FSTL4: variants seen among roughly 807,000 people sequenced by gnomAD.
The protein encoded by FSTL4 is follistatin-related protein 4.
FSTL4 carries 28 observed loss-of-function variants against 78.2 expected under a neutral mutation model. The ratio of observed to expected loss-of-function variants is 0.36; its 90% confidence interval spans 0.27 to 0.49. The LOEUF (loss-of-function observed/expected upper bound fraction) is 0.49, where lower values mean the gene tolerates loss of function less well. FSTL4 is among the 20% of genes least tolerant of loss of function. The pLI, the probability that FSTL4 is intolerant of heterozygous loss-of-function variation, is 0.98. For synonymous variants in FSTL4, 422 were observed against 440.5 expected (o/e 0.96, Z 0.53); for missense variants, 922 against 1,084.9 (o/e 0.85, Z 2.11).
intron 6 of FSTL4, chr5:133,275,980 G>A (rs932777439): frequency 6.6e-6 from 1 of 152,164 alleles, no homozygotes; most frequent in East Asian, 1.9e-4. Context: ...GAAGTTTATT[G>A]GTTTTGCAGT....
chr5:133,306,859 G>A (rs768709654), intron 6 of FSTL4, among the ~76,000 whole-genome samples: 1 of 152,158 alleles, frequency 6.6e-6, no homozygotes, highest in African/African-American at 2.4e-5. Flanking sequence ...GGTCCCTGAG[G>A]GGGAAGGACA....
At chr5:133,574,242 T>C (rs540524333) in intron 2 of FSTL4, among the ~76,000 whole-genome samples, 1 of 152,296 alleles carries the variant, frequency 6.6e-6, no homozygotes, top group African/African-American at 2.4e-5. Flanking sequence ...ACTTCACAAG[T>C]TGAAACCACA....
intron 7 of FSTL4, among the ~76,000 whole-genome samples, chr5:133,246,350 A>G (rs932141143): frequency 2.0e-5 from 3 of 152,198 alleles, no homozygotes; most frequent in Non-Finnish European, 2.9e-5. Context: ...ATGCAAGTGA[A>G]TCCCGATGAC....
chr5:133,557,347 G>A (rs1759811625), intron 3 of FSTL4, among the ~76,000 whole-genome samples: 1 of 152,208 alleles, frequency 6.6e-6, no homozygotes, highest in South Asian at 2.1e-4. Context: ...TTTTAGGGGT[G>A]GAGAGTGAGA....
chr5:133,841,279 C>T, the FSTL4 span, among the ~76,000 whole-genome samples: 1 of 152,352 alleles, frequency 6.6e-6, no homozygotes, highest in African/African-American at 2.4e-5. Flanking sequence ...ACCATCACCC[C>T]TAGGTTAAGT....
chr5:133,224,051 C>A, intron 11 of FSTL4, 139 bp downstream of exon 11: 1 of 612,580 alleles, frequency 1.6e-6, no homozygotes, highest in Non-Finnish European at 2.9e-6. Context: ...GCATATGCCA[C>A]TTGAATTTGA....
chr5:133,646,711 A>G, the FSTL4 span, among the ~76,000 whole-genome samples: 1 of 152,160 alleles, frequency 6.6e-6, no homozygotes, highest in African/African-American at 2.4e-5. Flanking sequence ...TATGAGAGAA[A>G]GACATGAGTT....
chr5:133,367,210 A>G (rs1215559140), intron 4 of FSTL4, among the ~76,000 whole-genome samples: 5 of 152,230 alleles, frequency 3.3e-5, no homozygotes, highest in Non-Finnish European at 7.3e-5. Flanking sequence ...CAAGATGTCC[A>G]TAGGCCCTAC....
At chr5:133,283,636 G>A (rs1753060907) in intron 6 of FSTL4, among the ~76,000 whole-genome samples, 2 of 152,276 alleles carry the variant, frequency 1.3e-5, no homozygotes, top group South Asian at 2.1e-4. Context: ...CCCTGGAGAT[G>A]TTTGACCATA....
intron 4 of FSTL4, among the ~76,000 whole-genome samples, chr5:133,389,713 G>A (rs1044302135): frequency 6.6e-6 from 1 of 152,164 alleles, no homozygotes; most frequent in Non-Finnish European, 1.5e-5. Context: ...AAGCTTGCAC[G>A]GGGAAAAGAC....
intron 4 of FSTL4, among the ~76,000 whole-genome samples, chr5:133,392,611 G>A (rs1177525524): frequency 6.6e-6 from 1 of 152,214 alleles, no homozygotes; most frequent in African/African-American, 2.4e-5. Flanking sequence ...GACAGCCAGT[G>A]CAGAAAATGC....
the FSTL4 span, among the ~76,000 whole-genome samples, chr5:133,809,118 C>T: frequency 6.6e-6 from 1 of 151,936 alleles, no homozygotes; most frequent in African/African-American, 2.4e-5. Flanking sequence ...GTAATCCTAG[C>T]ATCTTGGGAG....
chr5:133,696,987 C>A, the FSTL4 span, among the ~76,000 whole-genome samples: 36 of 152,180 alleles, frequency 2.4e-4, no homozygotes, highest in African/African-American at 8.2e-4. Context: ...GGTCCTTGGA[C>A]CAGACAATGC....
intron 3 of FSTL4, among the ~76,000 whole-genome samples, chr5:133,434,157 T>C (rs1444959354): frequency 1.3e-5 from 2 of 152,064 alleles, no homozygotes; most frequent in Non-Finnish European, 2.9e-5. Flanking sequence ...GATGGTGGCT[T>C]TGACTAGGGC....
At chr5:133,592,776 C>A (rs575963632) in intron 2 of FSTL4, among the ~76,000 whole-genome samples, 1 of 152,206 alleles carries the variant, frequency 6.6e-6, no homozygotes, top group Non-Finnish European at 1.5e-5. Flanking sequence ...GATCTCTACA[C>A]ACACCCATTC....
intron 6 of FSTL4, among the ~76,000 whole-genome samples, chr5:133,301,556 C>T (rs1007989899): frequency 2.0e-5 from 3 of 152,184 alleles, no homozygotes; most frequent in Non-Finnish European, 4.4e-5. Context: ...GCTCCATACA[C>T]TGCCCATCGC....
At chr5:133,383,644 G>A (rs1210297630) in intron 4 of FSTL4, among the ~76,000 whole-genome samples, 2 of 152,192 alleles carry the variant, frequency 1.3e-5, no homozygotes, top group Non-Finnish European at 2.9e-5. Flanking sequence ...CATTTGCTCT[G>A]TTAATTGGCT....
chr5:133,558,557 C>T (rs887052012), intron 3 of FSTL4, among the ~76,000 whole-genome samples: 3 of 152,130 alleles, frequency 2.0e-5, no homozygotes, highest in Admixed American at 1.3e-4. Context: ...CCTACCTGCT[C>T]ATTTCTGGGA....
chr5:133,325,351 T>C (rs547284299), intron 4 of FSTL4, among the ~76,000 whole-genome samples: 1 of 152,166 alleles, frequency 6.6e-6, no homozygotes, highest in South Asian at 2.1e-4. Flanking sequence ...TCAAGGTGGG[T>C]GGGGGGAATC....
Sources: gnomAD v4.1 joint callset for allele counts (sites outside exome capture counted in the v4.1 genomes callset) on GRCh38, gnomAD v4.1.1 for gene constraint, MANE v1.5 for transcripts, NCBI Gene and HGNC (gene_info 2026-07-23, HGNC 2026-07-21) for gene names.